The following CFAP91 variants were observed in gnomAD, a reference collection of about 807,000 sequenced individuals.
CFAP91 encodes the protein cilia- and flagella-associated protein 91.
CFAP91 carries 85 observed loss-of-function variants against 95.9 expected under a neutral mutation model. The ratio of observed to expected loss-of-function variants is 0.89; its 90% confidence interval spans 0.74 to 1.06. The LOEUF is 1.06. CFAP91 is among the 50% of genes least tolerant of loss of function. CFAP91 has a pLI of 0.00. For synonymous variants in CFAP91, 335 were observed against 327.5 expected (o/e 1.02, Z -0.25); for missense variants, 962 against 943.4 (o/e 1.02, Z -0.26).
intron 17 of CFAP91, among the ~76,000 whole-genome samples, chr3:119,757,356 A>G (rs1420647494): frequency 2.0e-5 from 3 of 152,148 alleles, no homozygotes; most frequent in Non-Finnish European, 4.4e-5. Context: ...TAAAAATGAA[A>G]TATTTGGCTG....
chr3:119,716,987 A>T (rs1404484146), intron 6 of CFAP91, among the ~76,000 whole-genome samples: 2 of 152,262 alleles, frequency 1.3e-5, no homozygotes, highest in Non-Finnish European at 2.9e-5. Flanking sequence ...ATGCATAAAA[A>T]TTACAGGAAA....
intron 17 of CFAP91, among the ~76,000 whole-genome samples, chr3:119,751,753 A>G (rs1334785692): frequency 1.3e-5 from 2 of 152,158 alleles, no homozygotes; most frequent in Non-Finnish European, 2.9e-5. Flanking sequence ...ATACAAGGAA[A>G]AGAGGTTCAC....
At chr3:119,759,176 G>T (rs1056884444) in intron 17 of CFAP91, among the ~76,000 whole-genome samples, 2 of 151,804 alleles carry the variant, frequency 1.3e-5, no homozygotes, top group Admixed American at 1.3e-4. Context: ...TCACAAATAT[G>T]ATAAGTACCA....
At chr3:119,757,583 G>A (rs945522786) in intron 17 of CFAP91, among the ~76,000 whole-genome samples, 2 of 152,122 alleles carry the variant, frequency 1.3e-5, no homozygotes, top group South Asian at 4.1e-4. Context: ...GGAGGCAGAG[G>A]TTGCAGTGAG....
chr3:119,742,705 T>C (rs1163142066), intron 13 of CFAP91, among the ~76,000 whole-genome samples: 1 of 152,164 alleles, frequency 6.6e-6, no homozygotes, highest in Non-Finnish European at 1.5e-5. Context: ...CTCCCTATTA[T>C]ATAAGTAAAG....
chr3:119,729,154 G>A (rs780348163), intron 7 of CFAP91, among the ~76,000 whole-genome samples: 5 of 152,286 alleles, frequency 3.3e-5, no homozygotes, highest in Admixed American at 6.5e-5. Flanking sequence ...CTAGCAGCTA[G>A]GAGTCCACTT....
Position 119,707,399 on chromosome 3 carries a change from A to G in CFAP91, c.202-5A>G, listed in dbSNP as rs748102015. 7 of 1,531,424 alleles carry G rather than the reference A, an allele frequency of 4.6e-6. No homozygotes were observed. Among genetic ancestry groups the G allele is most frequent in the Middle Eastern group, 3.7e-4 (2 of 5,456 alleles). 94.9% of individuals were successfully genotyped at this position (1,531,424 alleles called of 1,614,324 possible). ...TTGTCCTTTGCCTCCCTTCTCTAACATTAGAGAAAAGTTCCCAGGTTTAAA... is the reference window on the plus strand; with the variant it reads ...TTGTCCTTTGCCTCCCTTCTCTAACGTTAGAGAAAAGTTCCCAGGTTTAAA... On this transcript the variant is annotated splice_region_variant and splice_polypyrimidine_tract_variant and intron_variant, in intron 2 of 17. Transcript: ENST00000273390.
intron 3 of CFAP91, 128 bp from the exon 4 acceptor site, chr3:119,708,463 T>C (rs1245596593): frequency 6.3e-6 from 4 of 637,458 alleles, no homozygotes; most frequent in South Asian, 5.9e-5. Flanking sequence ...AAATGCAGGT[T>C]ATGGAAGACT....
intron 16 of CFAP91, chr3:119,749,297 A>G (rs892381777): frequency 1.3e-5 from 2 of 152,106 alleles, no homozygotes; most frequent in African/African-American, 4.8e-5. Context: ...CTGGGGCGGG[A>G]AGATCACTTG....
rs2054106105 is a variant in CFAP91, at chr3:119,740,872, T to A, written c.1680+177T>A. 4.1e-6 allele frequency: 3 copies of A among 730,500 alleles called. No individual in the cohort carries two copies. In the South Asian group the frequency reaches 5.3e-5, roughly 13 times the overall value. The allele number at this position is 730,500 out of a possible 1,614,324, so 45.3% of individuals were successfully genotyped here. A position where few individuals can be genotyped will look rare whatever the true frequency, so the allele number is the denominator to read the frequency against. On this transcript the variant is annotated intron_variant, in intron 13 of 17. Coordinates refer to ENST00000273390, the MANE Select transcript of CFAP91 (RefSeq NM_033364.4). ...GTGTGTGTGTGTGTGTGTGTGTGTG[T>A]GTGATGGAGTTTCACTCTATCGCCC...
At chr3:119,736,103 A>G (rs574957492) in intron 10 of CFAP91, among the ~76,000 whole-genome samples, 20 of 152,016 alleles carry the variant, frequency 1.3e-4, no homozygotes, top group African/African-American at 4.8e-4. Flanking sequence ...AAAATATATA[A>G]TTCAGTAGTT....
intron 13 of CFAP91, among the ~76,000 whole-genome samples, chr3:119,741,790 G>A (rs2054125615): frequency 6.6e-6 from 1 of 152,182 alleles, no homozygotes; most frequent in Admixed American, 6.5e-5. Context: ...GGGCACAAAT[G>A]GTAAGCAGCC....
At chr3:119,741,020 T>C (rs983600433) in intron 13 of CFAP91, among the ~76,000 whole-genome samples, 3 of 152,154 alleles carry the variant, frequency 2.0e-5, no homozygotes, top group Non-Finnish European at 4.4e-5. Flanking sequence ...CTTGGCTAAT[T>C]TCCGTATTCT....
intron 17 of CFAP91, among the ~76,000 whole-genome samples, chr3:119,753,327 G>A (rs9810454): frequency 0.016 from 2,424 of 152,222 alleles, 60 homozygotes; most frequent in African/African-American, 0.055. Flanking sequence ...AAAAGTCTAT[G>A]CCCTAGTGGT....
chr3:119,740,741 C>T, intron 13 of CFAP91, 46 bp downstream of exon 13: 1 of 1,577,290 alleles, frequency 6.3e-7, no homozygotes, highest in Non-Finnish European at 8.6e-7. Flanking sequence ...TAAATTTTCT[C>T]CCTTGATTTT....
In CFAP91 at chr3:119,767,015, C is replaced by G. The variant is rs1431137102; in HGVS notation, c.*1965C>G. ...ACCGGCAATCTTTTACTTATAATGG[C>G]TTGAGTTAAAATGCTCCAACTTTTC... is the stretch of plus-strand genomic sequence containing the variant. On this transcript the variant is annotated 3_prime_UTR_variant, in exon 18 of 18. Coordinates refer to ENST00000273390, the MANE Select transcript of CFAP91 (RefSeq NM_033364.4). 2 of 152,100 alleles carry G rather than the reference C, an allele frequency of 1.3e-5. No individual in the cohort carries two copies. The highest frequency in any genetic ancestry group is 4.8e-5 in the African/African-American group (2 of 41,404). 9.4% of individuals were successfully genotyped at this position (152,100 alleles called of 1,614,324 possible).
At chr3:119,724,716 A>G (rs546271600) in intron 6 of CFAP91, among the ~76,000 whole-genome samples, 2 of 152,056 alleles carry the variant, frequency 1.3e-5, no homozygotes, top group Non-Finnish European at 2.9e-5. Context: ...AGCCTTCTCT[A>G]TAATACCCTA....
intron 11 of CFAP91, among the ~76,000 whole-genome samples, 157 bp from the exon 12 acceptor site, chr3:119,739,098 A>C (rs1244110959): frequency 6.6e-6 from 1 of 152,202 alleles, no homozygotes; most frequent in Non-Finnish European, 1.5e-5. Flanking sequence ...TTAAAATACT[A>C]TATGTTCAAT....
intron 17 of CFAP91, chr3:119,752,167 A>AG (rs1301638618): frequency 6.6e-6 from 1 of 152,146 alleles, no homozygotes; most frequent in East Asian, 1.9e-4. Flanking sequence ...TTTGCCCTGA[A>AG]GGTATACCAA....
Sources: gnomAD v4.1 joint callset for allele counts (sites outside exome capture counted in the v4.1 genomes callset) on GRCh38, gnomAD v4.1.1 for gene constraint, MANE v1.5 for transcripts, NCBI Gene and HGNC (gene_info 2026-07-23, HGNC 2026-07-21) for gene names.